The following TTL variants were observed in gnomAD, a reference collection of about 807,000 sequenced individuals.
The protein encoded by TTL is tubulin--tyrosine ligase.
TTL carries 10 observed loss-of-function variants against 41.1 expected under a neutral mutation model. The observed-to-expected ratio is 0.24, with a 90% CI of 0.15 to 0.41. TTL has a LOEUF of 0.41. TTL is among the 10% of genes least tolerant of loss of function. The pLI is 1.00. For synonymous variants in TTL, 175 were observed against 175.5 expected (o/e 1.00, Z 0.02); for missense variants, 367 against 460.4 (o/e 0.80, Z 1.86).
At chr2:112,518,982 G>A (rs1267210450) in intron 5 of TTL, among the ~76,000 whole-genome samples, 1 of 151,918 alleles carries the variant, frequency 6.6e-6, no homozygotes, top group African/African-American at 2.4e-5. Flanking sequence ...GCTGGCCCCT[G>A]TATCTTTTTC....
At chr2:112,509,212 C>T (rs1251641028) in intron 5 of TTL, among the ~76,000 whole-genome samples, 1 of 142,906 alleles carries the variant, frequency 7.0e-6, no homozygotes, top group African/African-American at 2.7e-5. Context: ...CCACTGCTCT[C>T]TTCAAAGCTG....
rs1173234742 is a variant in TTL, at chr2:112,485,817, A to G, written c.158-100A>G. The G allele has an allele frequency of 7.2e-6, 8 of 1,111,066 alleles. No homozygotes were observed. In the East Asian group the frequency reaches 1.2e-4, roughly 17 times the overall value. 68.8% of individuals were successfully genotyped at this position (1,111,066 alleles called of 1,614,324 possible). On this transcript the variant is annotated intron_variant, in intron 1 of 6. Coordinates refer to ENST00000233336, the MANE Select transcript of TTL (RefSeq NM_153712.5). The stretch of plus-strand genomic sequence containing the variant: ...TCCATTTTCCATTTTCTAACAGCCA[A>G]TCCTGAGATGAGAGAGAGAAAAGCT...
Position 112,529,842 on chromosome 2 carries a change from C to T in TTL, c.*1047C>T, listed in dbSNP as rs1038663695. ...TGTGGGTATTAGGAGAGTATATATC[C>T]TGCCTGAATGGGGAAGTCTTCTAAA... On this transcript the variant is annotated 3_prime_UTR_variant, in exon 7 of 7. Coordinates refer to ENST00000233336, the MANE Select transcript of TTL (RefSeq NM_153712.5). 4.0e-5 allele frequency: 9 copies of T among 222,504 alleles called. No individual in the cohort carries two copies. Among genetic ancestry groups the T allele is most frequent in the Non-Finnish European group, 8.1e-5 (9 of 111,404 alleles). 13.8% of individuals were successfully genotyped at this position (222,504 alleles called of 1,614,324 possible). A position where few individuals can be genotyped will look rare whatever the true frequency, so the allele number is the denominator to read the frequency against.
chr2:112,527,420 G>C (rs1682397251), intron 6 of TTL, among the ~76,000 whole-genome samples: 1 of 152,130 alleles, frequency 6.6e-6, no homozygotes. Context: ...GGATGTTGAA[G>C]TCTCCCACTA....
chr2:112,540,447 AAAG>A lies in TTL; in HGVS notation c.*11654_*11656del, dbSNP rs199739912. On this transcript the variant is annotated 3_prime_UTR_variant, in exon 7 of 7. Coordinates refer to ENST00000233336, the MANE Select transcript of TTL (RefSeq NM_153712.5). ...AAAACAAAAAACAAAAAAAAAAAAA[AAAG>A]AGAAAGAAATTGACAAGCTAAGCTG... 51,608 of 150,090 alleles carry A rather than the reference AAAG, an allele frequency of 0.34. 10,487 individuals are homozygous for A. Among genetic ancestry groups the A allele is most frequent in the Middle Eastern group, 0.52 (151 of 292 alleles). The allele number at this position is 150,090 out of a possible 1,614,324, so 9.3% of individuals were successfully genotyped here. A position where few individuals can be genotyped will look rare whatever the true frequency, so the allele number is the denominator to read the frequency against.
Position 112,539,570 on chromosome 2 carries a change from A to G in TTL, c.*10775A>G, listed in dbSNP as rs994865405. ...AAAACCCACAGCCTACATCATATTA[A>G]TGGTGATGTGAAAGCTCCAGTTGGG... On this transcript the variant is annotated 3_prime_UTR_variant, in exon 7 of 7. Transcript: ENST00000233336. 1.3e-5 allele frequency: 2 copies of G among 150,164 alleles called. No homozygotes were observed. The highest frequency in any genetic ancestry group is 3.8e-4 in the East Asian group (2 of 5,200). 9.3% of individuals were successfully genotyped at this position (150,164 alleles called of 1,614,324 possible). A position where few individuals can be genotyped will look rare whatever the true frequency, so the allele number is the denominator to read the frequency against.
chr2:112,501,857 C>A (rs1453875788), intron 4 of TTL, among the ~76,000 whole-genome samples: 1 of 115,044 alleles, frequency 8.7e-6, no homozygotes, highest in Non-Finnish European at 1.8e-5. Flanking sequence ...CAGAGTGAGA[C>A]TCCTGTGTCA....
Position 112,540,563 on chromosome 2 carries a change from A to G in TTL, c.*11768A>G, listed in dbSNP as rs1280684126. The G allele has an allele frequency of 6.6e-6, 1 of 152,366 alleles. No homozygotes were observed. Among genetic ancestry groups the G allele is most frequent in the Admixed American group, 6.5e-5 (1 of 15,306 alleles). The allele number at this position is 152,366 out of a possible 1,614,324, so 9.4% of individuals were successfully genotyped here. A position where few individuals can be genotyped will look rare whatever the true frequency, so the allele number is the denominator to read the frequency against. On this transcript the variant is annotated 3_prime_UTR_variant, in exon 7 of 7. Coordinates refer to ENST00000233336, the MANE Select transcript of TTL (RefSeq NM_153712.5). ...GGAGGATGTGCACTTCCTGATTTCA[A>G]AATTTATTACAAAGCTGTATTAATC...
chr2:112,522,643 T>C (rs1682270281), intron 6 of TTL: 1 of 152,608 alleles, frequency 6.6e-6, no homozygotes, highest in Non-Finnish European at 1.5e-5. Context: ...GACTAGTATC[T>C]GCACCTGCCT....
At chr2:112,495,763 C>T (rs573331245) in intron 3 of TTL, among the ~76,000 whole-genome samples, 19 of 152,214 alleles carry the variant, frequency 1.2e-4, no homozygotes, top group African/African-American at 2.4e-4. Flanking sequence ...AGGAGAATGG[C>T]GTGAACCCGG....
At chr2:112,525,387 G>A (rs750726288) in intron 6 of TTL, among the ~76,000 whole-genome samples, 5 of 152,144 alleles carry the variant, frequency 3.3e-5, no homozygotes, top group Non-Finnish European at 7.4e-5. Flanking sequence ...TGGGTAGTAT[G>A]GCCATTTTCA....
In TTL at chr2:112,482,352, C is replaced by A; in HGVS notation, c.8C>A (p.Thr3Asn). MY[T>N]FVVRDENSSV... is the part of the protein sequence containing the mutation. ...GGCGCGCGGCGCTTCGCCATGTACA[C>A]CTTCGTGGTACGCGATGAGAACAGC... Residue 3 changes from threonine (T) to asparagine (N), a missense_variant, in exon 1 of 7, where the codon ACC becomes AAC. Thr to Asn is a moderately conservative substitution (Grantham distance 65). Coordinates refer to ENST00000233336, the MANE Select transcript of TTL (RefSeq NM_153712.5). The surrounding 1 kb of genome is among the most constrained non-coding windows in gnomAD (Gnocchi z 5.3). The A allele has an allele frequency of 6.4e-7, 1 of 1,555,952 alleles. No homozygotes were observed. Among genetic ancestry groups the A allele is most frequent in the East Asian group, 2.4e-5 (1 of 41,106 alleles).
At position 112,482,283 on chromosome 2, in the gene TTL, C is replaced by A. The variant is rs1681107853; in HGVS notation, c.-62C>A. 8.3e-7 allele frequency: 1 copy of A among 1,205,802 alleles called. No homozygotes were observed. Among genetic ancestry groups the A allele is most frequent in the South Asian group, 1.6e-5 (1 of 60,886 alleles). 74.7% of individuals were successfully genotyped at this position (1,205,802 alleles called of 1,614,324 possible). A position where few individuals can be genotyped will look rare whatever the true frequency, so the allele number is the denominator to read the frequency against. On this transcript the variant is annotated 5_prime_UTR_variant, in exon 1 of 7. Transcript: ENST00000233336. The surrounding 1 kb of genome is among the most constrained non-coding windows in gnomAD (Gnocchi z 5.3). The stretch of plus-strand genomic sequence containing the variant: ...CCCGGGCGGGGTCCGCGCTGAGCCG[C>A]CTTCTCGGCCGCCTGGTCCCTGCGG...
rs1177776005 is a variant in TTL at position 112,541,206 on chromosome 2, C to CAAAACTACACTTCAAAT, written c.*12413_*12414insAACTACACTTCAAATAA. 24 of 151,550 alleles carry CAAAACTACACTTCAAAT rather than the reference C, an allele frequency of 1.6e-4. No individual in the cohort carries two copies. The highest frequency in any genetic ancestry group is 5.6e-4 in the African/African-American group (23 of 41,200). 9.4% of individuals were successfully genotyped at this position (151,550 alleles called of 1,614,324 possible). On this transcript the variant is annotated 3_prime_UTR_variant, in exon 7 of 7. Transcript: ENST00000233336. The stretch of plus-strand genomic sequence containing the variant: ...CTTAGATATGATATAAAAAGACAGG[C>CAAAACTACACTTCAAAT]AACAAAAGAAAAAAACTACACTTCA...
At chr2:112,503,399 G>A (rs1559014892) in intron 5 of TTL, among the ~76,000 whole-genome samples, 1 of 125,466 alleles carries the variant, frequency 8.0e-6, no homozygotes, top group Non-Finnish European at 1.7e-5. Context: ...GTGTGTGTGT[G>A]TGTGTATATA....
At chr2:112,523,768 CAG>C (rs1434678255) in intron 6 of TTL, among the ~76,000 whole-genome samples, 2 of 3,660 alleles carry the variant, frequency 5.5e-4, no homozygotes, top group South Asian at 0.028. Flanking sequence ...CAGTGGCAAC[CAG>C]TTTTTTTTTT....
chr2:112,482,318 G>A lies in TTL; in HGVS notation c.-27G>A, dbSNP rs1482394332. The A allele has an allele frequency of 2.9e-5, 42 of 1,465,126 alleles. No individual in the cohort carries two copies. The highest frequency in any genetic ancestry group is 3.5e-5 in the Non-Finnish European group (39 of 1,100,754). The allele number at this position is 1,465,126 out of a possible 1,614,324, so 90.8% of individuals were successfully genotyped here. ...CGCCTGGTCCCTGCGGCGGCTGCCC[G>A]GCGGCCCGGGCGCGCGGCGCTTCGC... On this transcript the variant is annotated 5_prime_UTR_variant, in exon 1 of 7. Coordinates refer to ENST00000233336, the MANE Select transcript of TTL (RefSeq NM_153712.5). The surrounding 1 kb of genome is among the most constrained non-coding windows in gnomAD (Gnocchi z 5.3).
In TTL at chr2:112,539,587, C is replaced by T. The variant is rs1009279849; in HGVS notation, c.*10792C>T. Reference sequence around the variant, plus strand: ...TCATATTAATGGTGATGTGAAAGCTCCAGTTGGGAGCTTTCTTCCCAATAT... The same window carrying T: ...TCATATTAATGGTGATGTGAAAGCTTCAGTTGGGAGCTTTCTTCCCAATAT... On this transcript the variant is annotated 3_prime_UTR_variant, in exon 7 of 7. Transcript: ENST00000233336. 6.6e-6 allele frequency: 1 copy of T among 152,124 alleles called. No homozygotes were observed. The highest frequency in any genetic ancestry group is 2.4e-5 in the African/African-American group (1 of 41,420). The allele number at this position is 152,124 out of a possible 1,614,324, so 9.4% of individuals were successfully genotyped here.
chr2:112,523,874 C>T (rs770447529), intron 6 of TTL, among the ~76,000 whole-genome samples: 27 of 151,916 alleles, frequency 1.8e-4, no homozygotes, highest in East Asian at 7.7e-4. Context: ...ATACATGTGC[C>T]ATGTTGGTGT....
Sources: allele counts gnomAD v4.1 joint callset (sites outside exome capture counted in the v4.1 genomes callset), GRCh38; gene constraint gnomAD v4.1.1; non-coding constraint Gnocchi (gnomAD v3.1); transcripts MANE v1.5; gene names NCBI Gene and HGNC (gene_info 2026-07-23, HGNC 2026-07-21).